Variants in FBXL4 observed in about 807,000 individuals in gnomAD.
The protein encoded by FBXL4 is F-box and leucine rich repeat protein 4, also known as F-box/LRR-repeat protein 4.
FBXL4 carries 40 observed loss-of-function variants against 58.9 expected under a neutral mutation model. The ratio of observed to expected loss-of-function variants is 0.68; its 90% CI spans 0.53 to 0.88. The LOEUF (loss-of-function observed/expected upper bound fraction) is 0.88. Among genes scored for constraint, FBXL4 ranks in the 40% least tolerant of loss-of-function variants. The pLI is 0.00. For missense variants in FBXL4, 676 were observed against 734.4 expected, an observed-to-expected ratio of 0.92 and a Z score of 0.92; for synonymous variants, 263 against 265.5, an observed-to-expected ratio of 0.99 and a Z score of 0.09.
Position 98,917,724 on chromosome 6 carries a change from CA to C in FBXL4, c.513-6del, listed in dbSNP as rs1419288790. On this transcript the variant is annotated splice_polypyrimidine_tract_variant and splice_region_variant and intron_variant, in intron 4 of 9. Transcript: ENST00000369244. ...TCTGACCAAAGAATCTCCCATCTGC[CA>C]AAAAAAGAAACTTCCCTATAATACA... The C allele has an allele frequency of 6.5e-7, 1 of 1,548,992 alleles. No homozygotes were observed. Among genetic ancestry groups the C allele is most frequent in the Non-Finnish European group, 8.7e-7 (1 of 1,148,644 alleles).
rs561260571 is a variant in FBXL4 at position 98,872,191 on chromosome 6, A to C, written c.*2087T>G. The C allele has an allele frequency of 6.6e-6, 1 of 152,324 alleles. No homozygotes were observed. Among genetic ancestry groups the C allele is most frequent in the South Asian group, 2.1e-4 (1 of 4,830 alleles). 9.4% of individuals were successfully genotyped at this position (152,324 alleles called of 1,614,324 possible). On this transcript the variant is annotated 3_prime_UTR_variant, in exon 10 of 10. Transcript: ENST00000369244. ...TTTTGGAGTTTGCAAATGTAAAGGA[A>C]ATTTCCATTTTTCAAAATCAATTTA... is the stretch of plus-strand genomic sequence containing the variant.
intron 6 of FBXL4, among the ~76,000 whole-genome samples, chr6:98,904,258 T>G (rs1771716768): frequency 6.6e-6 from 1 of 152,146 alleles, no homozygotes; most frequent in Non-Finnish European, 1.5e-5. Context: ...TAAACTGTGT[T>G]TCACTGGACA....
rs527556615 is a variant in FBXL4 at position 98,869,113 on chromosome 6, C to T, written c.*5165G>A. 2 of 151,914 alleles carry T rather than the reference C, an allele frequency of 1.3e-5. No individual in the cohort carries two copies. The highest frequency in any genetic ancestry group is 2.4e-5 in the African/African-American group (1 of 41,424). 9.4% of individuals were successfully genotyped at this position (151,914 alleles called of 1,614,324 possible). A position where few individuals can be genotyped will look rare whatever the true frequency, so the allele number is the denominator to read the frequency against. On this transcript the variant is annotated 3_prime_UTR_variant, in exon 10 of 10. Transcript: ENST00000369244. Reference sequence around the variant, plus strand: ...GCCTAGGTTTCTAGTAGTATGTTGTCAAAAAAAGCAAATGAGGTGATGATT... The same window carrying T: ...GCCTAGGTTTCTAGTAGTATGTTGTTAAAAAAAGCAAATGAGGTGATGATT...
chr6:98,927,808 G>A lies in FBXL4; in HGVS notation c.-176C>T, dbSNP rs1246739526. Reference sequence around the variant, plus strand: ...TGACTTCAGGTACAAATGCTGACATGTGACATTCTTTTACCTGTAAGAAAA... The same window carrying A: ...TGACTTCAGGTACAAATGCTGACATATGACATTCTTTTACCTGTAAGAAAA... On this transcript the variant is annotated 5_prime_UTR_variant, in exon 3 of 10. Coordinates refer to ENST00000369244, the MANE Select transcript of FBXL4 (RefSeq NM_001278716.2). 1 of 152,218 alleles carries A rather than the reference G, an allele frequency of 6.6e-6. No individual in the cohort carries two copies. Among genetic ancestry groups the A allele is most frequent in the African/African-American group, 2.4e-5 (1 of 41,446 alleles). The allele number at this position is 152,218 out of a possible 1,614,324, so 9.4% of individuals were successfully genotyped here.
chr6:98,907,252 A>T (rs955982746), intron 5 of FBXL4, among the ~76,000 whole-genome samples: 7 of 152,208 alleles, frequency 4.6e-5, no homozygotes, highest in African/African-American at 9.6e-5. Flanking sequence ...ATTTATCCTG[A>T]AAGCAATGAG....
At chr6:98,918,345 CCTATTCCT>C (rs1772450642) in intron 4 of FBXL4, among the ~76,000 whole-genome samples, 2 of 152,020 alleles carry the variant, frequency 1.3e-5, no homozygotes, top group Non-Finnish European at 2.9e-5. Flanking sequence ...ATAACATTCT[CCTATTCCT>C]CCAAATGAAC....
intron 6 of FBXL4, among the ~76,000 whole-genome samples, chr6:98,900,763 G>A (rs1771578246): frequency 6.6e-6 from 1 of 152,128 alleles, no homozygotes; most frequent in Admixed American, 6.6e-5. Context: ...TAACCCAGTA[G>A]CCTGCACATC....
At chr6:98,939,344 C>A (rs1008774666) in intron 1 of FBXL4, among the ~76,000 whole-genome samples, 4 of 152,152 alleles carry the variant, frequency 2.6e-5, no homozygotes, top group African/African-American at 7.2e-5. Context: ...CCTTTGCTGG[C>A]ATTAAATTCT....
rs1175441995 is a variant in FBXL4, at chr6:98,916,381, G to A, written c.858+993C>T. 7.2e-5 allele frequency among the ~76,000 whole-genome samples: 11 copies of A among 152,216 alleles called. No individual in the cohort carries two copies. In the East Asian group the frequency reaches 1.9e-3, roughly 27 times the overall value. The stretch of plus-strand genomic sequence containing the variant: ...ACACATGCACACGTATGTTTATTGA[G>A]GCACTATTCACAATAGCAAAGACTT... On this transcript the variant is annotated intron_variant, in intron 5 of 9. Coordinates refer to ENST00000369244, the MANE Select transcript of FBXL4 (RefSeq NM_001278716.2).
intron 8 of FBXL4, among the ~76,000 whole-genome samples, chr6:98,876,973 G>A (rs954188274): frequency 6.6e-6 from 1 of 152,140 alleles, no homozygotes; most frequent in African/African-American, 2.4e-5. Context: ...ACCACCTCTG[G>A]CTTCTGTCTG....
Position 98,930,238 on chromosome 6 carries a change from A to G in FBXL4, c.-190-2416T>C, listed in dbSNP as rs192211682. Among the ~76,000 whole-genome samples, 181 of 152,344 alleles carry G rather than the reference A, an allele frequency of 1.2e-3. 2 individuals are homozygous for G. The highest frequency in any genetic ancestry group is 1.9e-3 in the East Asian group (10 of 5,172). On this transcript the variant is annotated intron_variant, in intron 2 of 9. Transcript: ENST00000369244. ...GAATAACCAGAATAAGACTTTTTCC[A>G]AAGAAGGGCAACAAAGCATATATTA... is the stretch of plus-strand genomic sequence containing the variant.
intron 7 of FBXL4, among the ~76,000 whole-genome samples, chr6:98,883,452 T>C: frequency 6.6e-6 from 1 of 152,028 alleles, no homozygotes; most frequent in Non-Finnish European, 1.5e-5. Flanking sequence ...ATTAATCCTT[T>C]TCCCCCTTAT....
chr6:98,917,321 T>C (rs1772397040), intron 5 of FBXL4, 53 bp downstream of exon 5: 1 of 1,213,784 alleles, frequency 8.2e-7, no homozygotes, highest in Non-Finnish European at 1.1e-6. Flanking sequence ...TATCTAAAGA[T>C]TAAAAATCTA....
At chr6:98,914,325 C>T (rs940950722) in intron 5 of FBXL4, among the ~76,000 whole-genome samples, 1 of 152,186 alleles carries the variant, frequency 6.6e-6, no homozygotes, top group Non-Finnish European at 1.5e-5. Context: ...ATGAGGCCAG[C>T]ATCATCCTGA....
chr6:98,930,670 CAGA>C (rs766292586), intron 2 of FBXL4, among the ~76,000 whole-genome samples: 1 of 152,082 alleles, frequency 6.6e-6, no homozygotes, highest in Non-Finnish European at 1.5e-5. Context: ...AACTTGAGCT[CAGA>C]AGTTCAAGGC....
At chr6:98,925,981 T>C (rs1039873456) in intron 4 of FBXL4, among the ~76,000 whole-genome samples, 3 of 152,162 alleles carry the variant, frequency 2.0e-5, no homozygotes, top group African/African-American at 7.2e-5. Context: ...GTAGGGAGAA[T>C]GCATGAATTA....
intron 2 of FBXL4, among the ~76,000 whole-genome samples, chr6:98,931,836 G>A (rs1008288286): frequency 6.6e-6 from 1 of 152,200 alleles, no homozygotes; most frequent in Non-Finnish European, 1.5e-5. Flanking sequence ...AAAAGGGAAT[G>A]GAGCCATTGT....
chr6:98,943,809 T>C (rs928284124), intron 1 of FBXL4, among the ~76,000 whole-genome samples: 2 of 152,102 alleles, frequency 1.3e-5, no homozygotes, highest in Non-Finnish European at 2.9e-5. Context: ...TAAGACAATG[T>C]AGACTCCCAG....
At chr6:98,910,229 T>A (rs1771983427) in intron 5 of FBXL4, among the ~76,000 whole-genome samples, 1 of 152,068 alleles carries the variant, frequency 6.6e-6, no homozygotes, top group Non-Finnish European at 1.5e-5. Flanking sequence ...GGGGAGAGGT[T>A]TTCATGTCAC....
Sources: allele counts gnomAD v4.1 joint callset (sites outside exome capture counted in the v4.1 genomes callset), GRCh38; gene constraint gnomAD v4.1.1; transcripts MANE v1.5; gene names NCBI Gene and HGNC (gene_info 2026-07-23, HGNC 2026-07-21).